Variants in SNCAIP observed in about 807,000 individuals in gnomAD.
SNCAIP encodes the protein synphilin-1.
SNCAIP carries 43 observed loss-of-function variants against 86.7 expected under a neutral mutation model. The observed-to-expected ratio is 0.50, with a 90% confidence interval of 0.39 to 0.64. The LOEUF (loss-of-function observed/expected upper bound fraction) is 0.64. Among genes scored for constraint, SNCAIP ranks in the 30% least tolerant of loss-of-function variants. The pLI, the probability that SNCAIP is intolerant of heterozygous loss-of-function variation, is 0.00. For synonymous variants in SNCAIP, 417 were observed against 427.2 expected, an observed-to-expected ratio of 0.98 and a Z score of 0.29; for missense variants, 981 against 1,103.1, an observed-to-expected ratio of 0.89 and a Z score of 1.57.
chr5:122,414,720 T>C (rs1368628641), intron 3 of SNCAIP, among the ~76,000 whole-genome samples: 1 of 152,206 alleles, frequency 6.6e-6, no homozygotes, highest in Non-Finnish European at 1.5e-5. Flanking sequence ...CTTTAGGGAA[T>C]AATTTAATTT....
rs554378520 is a variant in SNCAIP at position 122,423,289 on chromosome 5, C to A, written c.552C>A (p.Ile184=). 1 of 1,614,158 alleles carries A rather than the reference C, an allele frequency of 6.2e-7. No individual in the cohort carries two copies. The highest frequency in any genetic ancestry group is 1.1e-5 in the South Asian group (1 of 91,074). ...EKRILGLCTT[I]NGLSGKACST... ...GAATTTTGGGCTTATGCACAACCAT[C>A]AATGGCCTTTCTGGCAAAGCCTGCT... Residue 184 remains isoleucine, a synonymous_variant, in exon 4 of 11, where the codon ATC becomes ATA. Transcript: ENST00000261368.
At chr5:122,450,046 C>G in intron 9 of SNCAIP, 109 bp downstream of exon 9, 1 of 818,320 alleles carries the variant, frequency 1.2e-6, no homozygotes, top group Non-Finnish European at 2.0e-6. Flanking sequence ...AAAACATTTT[C>G]TTCTTATAAA....
At chr5:122,401,944 C>T (rs769059331) in intron 2 of SNCAIP, among the ~76,000 whole-genome samples, 8 of 152,128 alleles carry the variant, frequency 5.3e-5, no homozygotes, top group Non-Finnish European at 1.2e-4. Context: ...AAGCATGTGC[C>T]TCGAAATACA....
In SNCAIP at chr5:122,423,676, T is replaced by A. The variant is rs768249321; in HGVS notation, c.939T>A (p.Ser313Arg). 5 of 1,606,584 alleles carry A rather than the reference T, an allele frequency of 3.1e-6. No homozygotes were observed. Among genetic ancestry groups the A allele is most frequent in the Middle Eastern group, 1.7e-4 (1 of 6,044 alleles). Residue 313 changes from serine to arginine, a missense_variant, in exon 4 of 11, where the codon AGT (serine) becomes AGA (arginine). Ser to Arg is a moderately radical substitution (Grantham distance 110). Transcript: ENST00000261368. ...GCTCCCAAGGCCCAGAAGAAAGGAGTGAGTATCTGAAAAAAGTGAAAAGCA... is the reference window on the plus strand; with the variant it reads ...GCTCCCAAGGCCCAGAAGAAAGGAGAGAGTATCTGAAAAAAGTGAAAAGCA... ...RTSSQGPEER[S>R]EYLKKVKSIL...
intron 10 of SNCAIP, among the ~76,000 whole-genome samples, chr5:122,458,918 G>T (rs1024859909): frequency 1.3e-5 from 2 of 152,142 alleles, no homozygotes; most frequent in Non-Finnish European, 2.9e-5. Flanking sequence ...TTGGTGCCTG[G>T]TGCATGATAG....
intron 1 of SNCAIP, among the ~76,000 whole-genome samples, chr5:122,376,015 A>G (rs78779897): frequency 0.11 from 17,135 of 152,190 alleles, 1,084 homozygotes; most frequent in South Asian, 0.24. Flanking sequence ...CAGCATCAGC[A>G]TCACGTGGGA....
chr5:122,409,950 A>G (rs1278424938), intron 3 of SNCAIP, among the ~76,000 whole-genome samples: 1 of 152,232 alleles, frequency 6.6e-6, no homozygotes, highest in African/African-American at 2.4e-5. Flanking sequence ...ATGTAATGTA[A>G]ACTGGACTCT....
chr5:122,395,202 A>G (rs543518603), intron 2 of SNCAIP, among the ~76,000 whole-genome samples: 2 of 152,298 alleles, frequency 1.3e-5, no homozygotes, highest in African/African-American at 4.8e-5. Context: ...CAACATTCCC[A>G]TCCGTTAAAT....
intron 2 of SNCAIP, among the ~76,000 whole-genome samples, chr5:122,392,790 A>G (rs1769698408): frequency 6.6e-6 from 1 of 152,220 alleles, no homozygotes; most frequent in Admixed American, 6.5e-5. Context: ...TATGTGAAAC[A>G]CTTAGCTTGG....
chr5:122,412,601 C>T (rs1774367577), intron 3 of SNCAIP, among the ~76,000 whole-genome samples: 1 of 152,028 alleles, frequency 6.6e-6, no homozygotes, highest in South Asian at 2.1e-4. Flanking sequence ...TTTAATAGGA[C>T]CCTCCCTCTG....
rs772548402 is a variant in SNCAIP at position 122,365,468 on chromosome 5, C to T, written c.-46-25621C>T. Among the ~76,000 whole-genome samples, 10 of 152,264 alleles carry T rather than the reference C, an allele frequency of 6.6e-5. 1 individual carries two copies. In the South Asian group the frequency reaches 1.7e-3, roughly 25 times the overall value. ...CCGAGGCAGGTGGATCATTTGAGGT[C>T]AGGAGTTTGAGACTAACCTGGCCAA... On this transcript the variant is annotated intron_variant, in intron 1 of 10. Coordinates refer to ENST00000261368, the MANE Select transcript of SNCAIP (RefSeq NM_005460.4).
At chr5:122,361,043 A>G (rs1762106236) in intron 1 of SNCAIP, among the ~76,000 whole-genome samples, 2 of 152,074 alleles carry the variant, frequency 1.3e-5, no homozygotes, top group African/African-American at 4.8e-5. Flanking sequence ...TAATACCTAT[A>G]TTCTATAAAA....
intron 3 of SNCAIP, among the ~76,000 whole-genome samples, chr5:122,412,193 A>C (rs967270635): frequency 6.6e-6 from 1 of 152,070 alleles, no homozygotes; most frequent in Non-Finnish European, 1.5e-5. Flanking sequence ...AAAAACAAAC[A>C]AACCACCTCT....
intron 10 of SNCAIP, among the ~76,000 whole-genome samples, chr5:122,459,341 G>T (rs533921690): frequency 6.6e-6 from 1 of 152,184 alleles, no homozygotes; most frequent in Non-Finnish European, 1.5e-5. Flanking sequence ...ATGCCTAGAA[G>T]AGTCAGCAAG....
intron 6 of SNCAIP, among the ~76,000 whole-genome samples, chr5:122,439,424 C>T (rs1780297231): frequency 6.6e-6 from 1 of 152,174 alleles, no homozygotes; most frequent in African/African-American, 2.4e-5. Flanking sequence ...AGGGGTCTTA[C>T]TCCCTGGTGC....
chr5:122,328,431 G>C lies in SNCAIP; in HGVS notation c.-47+16147G>C, dbSNP rs549357398. Reference sequence around the variant, plus strand: ...TTTCCTAGTTTGGTGAATAGCCCCAGCTTTCAAAAAATTATCCATAAATAC... The same window carrying C: ...TTTCCTAGTTTGGTGAATAGCCCCACCTTTCAAAAAATTATCCATAAATAC... On this transcript the variant is annotated intron_variant, in intron 1 of 10. Coordinates refer to ENST00000261368, the MANE Select transcript of SNCAIP (RefSeq NM_005460.4). 5.9e-5 allele frequency among the ~76,000 whole-genome samples: 9 copies of C among 152,234 alleles called. No homozygotes were observed. In the South Asian group the frequency reaches 1.7e-3, roughly 28 times the overall value.
chr5:122,393,511 T>A (rs996110814), intron 2 of SNCAIP, among the ~76,000 whole-genome samples: 5 of 152,162 alleles, frequency 3.3e-5, no homozygotes, highest in African/African-American at 1.2e-4. Context: ...ATGAATATAG[T>A]TTATTGCAGT....
chr5:122,411,201 G>A (rs1774046548), intron 3 of SNCAIP, among the ~76,000 whole-genome samples: 1 of 152,164 alleles, frequency 6.6e-6, no homozygotes, highest in African/African-American at 2.4e-5. Context: ...GTCCAGAGAG[G>A]GACATCCTTT....
At chr5:122,408,659 G>C (rs1014898226) in intron 3 of SNCAIP, among the ~76,000 whole-genome samples, 5 of 152,224 alleles carry the variant, frequency 3.3e-5, no homozygotes, top group African/African-American at 1.2e-4. Context: ...GGTCTAGAAA[G>C]AAAGGAAGTG....
Sources: allele counts gnomAD v4.1 joint callset (sites outside exome capture counted in the v4.1 genomes callset), GRCh38; gene constraint gnomAD v4.1.1; transcripts MANE v1.5; gene names NCBI Gene and HGNC (gene_info 2026-07-23, HGNC 2026-07-21).